The following EIPR1 variants were observed in gnomAD, a reference collection of about 807,000 sequenced individuals.
EIPR1 encodes the protein EARP complex and GARP complex interacting protein 1.
EIPR1 carries 25 observed loss-of-function variants against 48.1 expected under a neutral mutation model. That is an observed-to-expected ratio of 0.52 (90% CI 0.38 to 0.73). EIPR1 has a LOEUF of 0.73. Among genes scored for constraint, EIPR1 ranks in the 30% least tolerant of loss-of-function variants. EIPR1 has a pLI of 0.00. For synonymous variants in EIPR1, 204 were observed against 201.9 expected, an observed-to-expected ratio of 1.01 and a Z score of -0.09; for missense variants, 415 against 506.2, an observed-to-expected ratio of 0.82 and a Z score of 1.73.
chr2:3,272,298 T>G (rs1239589913), intron 3 of EIPR1, among the ~76,000 whole-genome samples: 3 of 152,236 alleles, frequency 2.0e-5, no homozygotes, highest in Non-Finnish European at 4.4e-5. Flanking sequence ...ACTTTTAATT[T>G]CCTTCAAGAA....
chr2:3,332,289 C>T (rs1476941368), intron 3 of EIPR1, among the ~76,000 whole-genome samples: 1 of 152,202 alleles, frequency 6.6e-6, no homozygotes, highest in Non-Finnish European at 1.5e-5. Context: ...AAGGTCAAGG[C>T]CTGCTGGCAG....
intron 8 of EIPR1, among the ~76,000 whole-genome samples, chr2:3,191,951 G>C (rs1664619478): frequency 6.6e-6 from 1 of 152,160 alleles, no homozygotes; most frequent in Non-Finnish European, 1.5e-5. Context: ...GGTTGGCCTG[G>C]AGTCTCCGCC....
At chr2:3,208,838 T>C (rs762400388) in intron 5 of EIPR1, 232 of 1,548,898 alleles carry the variant, frequency 1.5e-4, no homozygotes, top group Non-Finnish European at 1.8e-4. Flanking sequence ...GGTGCAGGTG[T>C]CTGGGGCCAT....
At position 3,370,053 on chromosome 2, in the gene EIPR1, C is replaced by A. The variant is rs139330852; in HGVS notation, c.42+7595G>T. 3.5e-3 allele frequency among the ~76,000 whole-genome samples: 532 copies of A among 152,274 alleles called. 1 individual carries two copies. The highest frequency in any genetic ancestry group is 5.3e-3 in the Non-Finnish European group (361 of 68,032). Reference sequence around the variant, plus strand: ...CTCTGAGACAAAACTTCCAGAGGAACGATCATACAGCAACATTCGCGGATC... The same window carrying A: ...CTCTGAGACAAAACTTCCAGAGGAAAGATCATACAGCAACATTCGCGGATC... On this transcript the variant is annotated intron_variant, in intron 1 of 8. Coordinates refer to ENST00000382125, the MANE Select transcript of EIPR1 (RefSeq NM_003310.5).
intron 3 of EIPR1, among the ~76,000 whole-genome samples, chr2:3,268,592 GCT>G (rs982244582): frequency 1.3e-5 from 2 of 152,120 alleles, no homozygotes; most frequent in African/African-American, 2.4e-5. Context: ...TGTTTAACCT[GCT>G]CTGTTTCCAC....
chr2:3,214,093 T>C, intron 5 of EIPR1, 56 bp downstream of exon 5: 4 of 1,486,624 alleles, frequency 2.7e-6, no homozygotes, highest in Non-Finnish European at 3.7e-6. Context: ...AGTGAGAACA[T>C]GCGGGGTTTG....
chr2:3,277,531 G>A lies in EIPR1; in HGVS notation c.260-20076C>T, dbSNP rs537266823. Among the ~76,000 whole-genome samples, 42 of 152,226 alleles carry A rather than the reference G, an allele frequency of 2.8e-4. 1 individual carries two copies. The highest frequency in any genetic ancestry group is 5.3e-4 in the Non-Finnish European group (36 of 68,040). ...CCCTGCCTGTGTGGCCTTCACCTAC[G>A]TGCTTTACAAATAAGAACTCACTTA... On this transcript the variant is annotated intron_variant, in intron 3 of 8. Coordinates refer to ENST00000382125, the MANE Select transcript of EIPR1 (RefSeq NM_003310.5).
intron 1 of EIPR1, among the ~76,000 whole-genome samples, chr2:3,366,840 G>C (rs904497347): frequency 7.2e-5 from 11 of 152,128 alleles, no homozygotes; most frequent in Admixed American, 2.0e-4. Flanking sequence ...GGAACACGAG[G>C]TCAGGAGTTC....
At chr2:3,355,686 G>A (rs867868886) in intron 1 of EIPR1, among the ~76,000 whole-genome samples, 17 of 152,086 alleles carry the variant, frequency 1.1e-4, no homozygotes, top group Middle Eastern at 3.4e-3. Flanking sequence ...ATGGTGGCTC[G>A]TGCCTGTTGA....
intron 3 of EIPR1, among the ~76,000 whole-genome samples, chr2:3,322,233 C>T (rs1457690174): frequency 2.0e-5 from 3 of 152,154 alleles, no homozygotes; most frequent in Non-Finnish European, 4.4e-5. Context: ...CCTAAAGCAG[C>T]GTTGAAACTG....
chr2:3,230,955 A>T (rs981886336), intron 4 of EIPR1, among the ~76,000 whole-genome samples: 2 of 152,214 alleles, frequency 1.3e-5, no homozygotes, highest in Non-Finnish European at 2.9e-5. Context: ...ACATTTTAAC[A>T]ATATTAATTC....
At chr2:3,330,575 G>A (rs967077848) in intron 3 of EIPR1, among the ~76,000 whole-genome samples, 8 of 143,546 alleles carry the variant, frequency 5.6e-5, no homozygotes, top group African/African-American at 1.3e-4. Flanking sequence ...GCACACTCAC[G>A]AGACAGTGTG....
At chr2:3,370,936 T>A (rs1671099333) in intron 1 of EIPR1, among the ~76,000 whole-genome samples, 1 of 152,038 alleles carries the variant, frequency 6.6e-6, no homozygotes, top group South Asian at 2.1e-4. Flanking sequence ...CACATAATTG[T>A]CAGATTCACC....
chr2:3,367,160 C>T (rs913654599), intron 1 of EIPR1, among the ~76,000 whole-genome samples: 3 of 150,904 alleles, frequency 2.0e-5, no homozygotes, highest in African/African-American at 7.3e-5. Flanking sequence ...TTCTCAGAGA[C>T]TTCACTCCTC....
chr2:3,206,956 T>C (rs4241310), intron 5 of EIPR1, among the ~76,000 whole-genome samples: 139,904 of 152,210 alleles, frequency 0.92, 64,549 homozygotes, highest in East Asian at 0.98. Context: ...GTAATGATCA[T>C]TCGCTGGCTT....
At chr2:3,236,618 G>A (rs902269662) in intron 4 of EIPR1, among the ~76,000 whole-genome samples, 1 of 152,240 alleles carries the variant, frequency 6.6e-6, no homozygotes, top group Non-Finnish European at 1.5e-5. Context: ...CAGGATCCCA[G>A]AGGGCCAGCT....
chr2:3,314,782 C>T (rs371838300), intron 3 of EIPR1, among the ~76,000 whole-genome samples: 1 of 151,922 alleles, frequency 6.6e-6, no homozygotes, highest in African/African-American at 2.4e-5. Context: ...AGCCTCTCCC[C>T]AGGACCTGCC....
chr2:3,273,248 C>T (rs550471725), intron 3 of EIPR1, among the ~76,000 whole-genome samples: 1 of 152,300 alleles, frequency 6.6e-6, no homozygotes, highest in Non-Finnish European at 1.5e-5. Context: ...CATAGCTGTG[C>T]TTTCAGGGAA....
chr2:3,203,771 A>G (rs150675151), intron 5 of EIPR1, among the ~76,000 whole-genome samples: 2 of 152,352 alleles, frequency 1.3e-5, no homozygotes, highest in Non-Finnish European at 2.9e-5. Context: ...TCTGGGCTTC[A>G]TCTTGCTGGC....
Sources: allele counts gnomAD v4.1 joint callset (sites outside exome capture counted in the v4.1 genomes callset), GRCh38; gene constraint gnomAD v4.1.1; transcripts MANE v1.5; gene names NCBI Gene and HGNC (gene_info 2026-07-23, HGNC 2026-07-21).